The following CNNM3 variants were observed in gnomAD, a reference collection of about 807,000 sequenced individuals.
CNNM3 encodes the protein metal transporter CNNM3.
Under a neutral mutation model 57.1 loss-of-function variants are expected in CNNM3, and 47 were observed. The observed-to-expected ratio is 0.82, with a 90% CI of 0.65 to 1.05. CNNM3 has a LOEUF of 1.05. Among genes scored for constraint, CNNM3 ranks in the 50% least tolerant of loss-of-function variants. CNNM3 has a pLI of 0.00. For missense variants in CNNM3, 957 were observed against 973.7 expected (o/e 0.98, Z 0.23); for synonymous variants, 507 against 478.2 (o/e 1.06, Z -0.79).
chr2:96,836,645 A>G (rs961963729), downstream of CNNM3: 61 of 152,258 alleles, frequency 4.0e-4, no homozygotes, highest in African/African-American at 1.4e-3. Flanking sequence ...CTCCCAAAGT[A>G]CTACAATTAC....
chr2:96,829,610 CT>C (rs11447794), intron 7 of CNNM3, among the ~76,000 whole-genome samples: 371 of 143,120 alleles, frequency 2.6e-3, no homozygotes, highest in Middle Eastern at 3.7e-3. Context: ...CCCCTTCTTG[CT>C]TTTTTTTTTT....
intron 1 of CNNM3, among the ~76,000 whole-genome samples, chr2:96,819,021 C>T (rs944772529): frequency 1.3e-5 from 2 of 152,132 alleles, no homozygotes; most frequent in Non-Finnish European, 2.9e-5. Context: ...TGTGTAATCT[C>T]GTCCCTCATT....
intron 1 of CNNM3, among the ~76,000 whole-genome samples, chr2:96,820,880 A>G (rs916805291): frequency 6.6e-6 from 1 of 152,104 alleles, no homozygotes; most frequent in African/African-American, 2.4e-5. Flanking sequence ...TGCAGGTTGA[A>G]ATGTAGCTAG....
Position 96,829,275 on chromosome 2 carries a change from A to G in CNNM3, c.2059+141A>G. ...CCCCATCCTTTTCCCTTCTTTATAT[A>G]TATATATCTATATATAAATAATTTT... On this transcript the variant is annotated intron_variant, in intron 7 of 7. Coordinates refer to ENST00000305510, the MANE Select transcript of CNNM3 (RefSeq NM_017623.5). 8.5e-6 allele frequency: 9 copies of G among 1,059,294 alleles called. No homozygotes were observed. The African/African-American group carries it at 1.4e-4, about 16-fold the overall frequency. The allele number at this position is 1,059,294 out of a possible 1,614,324, so 65.6% of individuals were successfully genotyped here.
chr2:96,833,092 G>A lies in CNNM3; in HGVS notation c.*476G>A. ...CAAGCCGAGAGCACCCATTTTGGCT[G>A]GGGGTTCAGATCGATGGCCTTGTCC... On this transcript the variant is annotated 3_prime_UTR_variant, in exon 8 of 8. Coordinates refer to ENST00000305510, the MANE Select transcript of CNNM3 (RefSeq NM_017623.5). 4 of 1,116,792 alleles carry A rather than the reference G, an allele frequency of 3.6e-6. No homozygotes were observed. Among genetic ancestry groups the A allele is most frequent in the Non-Finnish European group, 4.8e-6 (4 of 834,030 alleles). The allele number at this position is 1,116,792 out of a possible 1,614,324, so 69.2% of individuals were successfully genotyped here.
chr2:96,817,996 G>A (rs781557097), intron 1 of CNNM3, among the ~76,000 whole-genome samples: 11 of 152,182 alleles, frequency 7.2e-5, no homozygotes, highest in Non-Finnish European at 1.2e-4. Context: ...GGTCCCTGGC[G>A]TTACTGCAGA....
At chr2:96,819,629 CT>C (rs1392096801) in intron 1 of CNNM3, among the ~76,000 whole-genome samples, 2 of 152,132 alleles carry the variant, frequency 1.3e-5, no homozygotes, top group Non-Finnish European at 2.9e-5. Context: ...AAGTGGAAGA[CT>C]GTAGCTGTCC....
At chr2:96,824,520 TGC>T (rs1189693958) in intron 1 of CNNM3, 1 of 155,400 alleles carries the variant, frequency 6.4e-6, no homozygotes, top group Non-Finnish European at 1.4e-5. Context: ...CAAGAAGCCA[TGC>T]ACATTTATGT....
chr2:96,829,211 C>T (rs766710249), intron 7 of CNNM3, 77 bp downstream of exon 7: 96 of 1,497,844 alleles, frequency 6.4e-5, no homozygotes, highest in Non-Finnish European at 8.1e-5. Flanking sequence ...CTTGCACTCT[C>T]GCCGCCCCCC....
At chr2:96,832,197 T>C in intron 7 of CNNM3, 1 of 1,049,266 alleles carries the variant, frequency 9.5e-7, no homozygotes, top group Non-Finnish European at 1.1e-6. Context: ...GGCGCTCCCT[T>C]CCATCCTTCT....
At chr2:96,817,756 C>CT (rs1212688593) in intron 1 of CNNM3, among the ~76,000 whole-genome samples, 1 of 151,950 alleles carries the variant, frequency 6.6e-6, no homozygotes, top group Non-Finnish European at 1.5e-5. Context: ...GATAGCCCCC[C>CT]CCCCCCATTT....
chr2:96,816,340 C>CA lies in CNNM3; in HGVS notation c.65dup (p.Asn22LysfsTer108). 9 of 1,291,000 alleles carry CA rather than the reference C, an allele frequency of 7.0e-6. No individual in the cohort carries two copies. Among genetic ancestry groups the CA allele is most frequent in the Non-Finnish European group, 8.8e-6 (9 of 1,019,436 alleles). The allele number at this position is 1,291,000 out of a possible 1,614,324, so 80.0% of individuals were successfully genotyped here. A position where few individuals can be genotyped will look rare whatever the true frequency, so the allele number is the denominator to read the frequency against. On this transcript the variant is annotated frameshift_variant, in exon 1 of 8. Coordinates refer to ENST00000305510, the MANE Select transcript of CNNM3 (RefSeq NM_017623.5). LOFTEE classifies it high-confidence loss of function. ...GGTTGTTCGCCGCGCTCTGCCTGGG[C>CA]AACGCCGCGGGGGAGGCCGCGCCGG...
Position 96,825,147 on chromosome 2 carries a change from G to A in CNNM3, c.1315G>A (p.Asp439Asn). Residue 439 changes from aspartate (D) to asparagine (N), a missense_variant, in exon 2 of 8, where the codon GAC becomes AAC. Asp to Asn is a conservative substitution (Grantham distance 23, BLOSUM62 1). Coordinates refer to ENST00000305510, the MANE Select transcript of CNNM3 (RefSeq NM_017623.5). ...GGTCCTGGGCCTGGTCACCCTGGAG[G>A]ACGTGATCGAGGAGATCATCAGGTC... ...YEVLGLVTLE[D>N]VIEEIIRSEI... 1 of 1,614,188 alleles carries A rather than the reference G, an allele frequency of 6.2e-7. No homozygotes were observed. Among genetic ancestry groups the A allele is most frequent in the Non-Finnish European group, 8.5e-7 (1 of 1,180,040 alleles).
intron 7 of CNNM3, among the ~76,000 whole-genome samples, chr2:96,831,237 C>G (rs2079597620): frequency 6.6e-6 from 1 of 152,218 alleles, no homozygotes; most frequent in Non-Finnish European, 1.5e-5. Context: ...GGCCTGCTGT[C>G]TTTCTGTTTC....
In CNNM3 at chr2:96,816,349, G is replaced by T. The variant is rs994513964; in HGVS notation, c.72G>T (p.Ala24=). 8.5e-6 allele frequency: 11 copies of T among 1,292,148 alleles called. No homozygotes were observed. Among genetic ancestry groups the T allele is most frequent in the Non-Finnish European group, 8.8e-6 (9 of 1,019,562 alleles). 80.0% of individuals were successfully genotyped at this position (1,292,148 alleles called of 1,614,324 possible). ...CCGCGCTCTGCCTGGGCAACGCCGCGGGGGAGGCCGCGCCGGGCCCGCGAG... is the reference window on the plus strand; with the variant it reads ...CCGCGCTCTGCCTGGGCAACGCCGCTGGGGAGGCCGCGCCGGGCCCGCGAG... ...LFAALCLGNA[A]GEAAPGPRVL... The change falls in exon 1 of 8, where the codon GCG becomes GCT. Residue 24 remains alanine (A), a synonymous_variant. Transcript: ENST00000305510.
At chr2:96,824,962 C>T (rs1192302118) in intron 1 of CNNM3, 96 bp from the exon 2 acceptor site, 17 of 1,410,890 alleles carry the variant, frequency 1.2e-5, no homozygotes, top group East Asian at 4.7e-5. Flanking sequence ...GGAGCATGAA[C>T]GTTAGCCGTG....
At chr2:96,832,218 AGGG>A (rs2079615186) in intron 7 of CNNM3, 2 of 1,072,924 alleles carry the variant, frequency 1.9e-6, no homozygotes, top group Non-Finnish European at 2.3e-6. Context: ...GGAAGACAGG[AGGG>A]GTCATGAGAC....
chr2:96,816,576 T>G lies in CNNM3; in HGVS notation c.299T>G (p.Leu100Arg). Residue 100 changes from leucine to arginine, a missense_variant, in exon 1 of 8, where the codon CTG (leucine) becomes CGG (arginine). By Grantham distance (102) the Leu-to-Arg change is moderately radical. Coordinates refer to ENST00000305510, the MANE Select transcript of CNNM3 (RefSeq NM_017623.5). ...TCCCCCGCGGGCGAGTGGCGCGCGC[T>G]GCTGCGCTTGCGCCTGCGGGCCGAG... is the stretch of plus-strand genomic sequence containing the variant. ...AASPAGEWRA[L>R]LRLRLRAEAV... is the part of the protein sequence containing the mutation. 1 of 1,280,574 alleles carries G rather than the reference T, an allele frequency of 7.8e-7. No individual in the cohort carries two copies. Among genetic ancestry groups the G allele is most frequent in the Non-Finnish European group, 9.8e-7 (1 of 1,017,172 alleles). The allele number at this position is 1,280,574 out of a possible 1,614,324, so 79.3% of individuals were successfully genotyped here.
At chr2:96,832,007 A>G (rs2079611759) in intron 7 of CNNM3, 2 of 986,262 alleles carry the variant, frequency 2.0e-6, no homozygotes, top group African/African-American at 3.5e-5. Context: ...CACAGTTGGA[A>G]ACTGCAGTTG....
Sources: allele counts gnomAD v4.1 joint callset (sites outside exome capture counted in the v4.1 genomes callset), GRCh38; gene constraint gnomAD v4.1.1; transcripts MANE v1.5; gene names NCBI Gene and HGNC (gene_info 2026-07-23, HGNC 2026-07-21).